ENPEP: variants seen among roughly 807,000 people sequenced by gnomAD.
ENPEP encodes the protein glutamyl aminopeptidase.
ENPEP carries 103 observed loss-of-function variants against 114.5 expected under a neutral mutation model. The ratio of observed to expected loss-of-function variants is 0.90; its 90% CI spans 0.77 to 1.06. The LOEUF (loss-of-function observed/expected upper bound fraction) is 1.06. Among genes scored for constraint, ENPEP ranks in the 50% least tolerant of loss-of-function variants. The pLI, the probability that ENPEP is intolerant of heterozygous loss-of-function variation, is 0.00. For synonymous variants in ENPEP, 420 were observed against 422.0 expected, an observed-to-expected ratio of 1.00 and a Z score of 0.06; for missense variants, 1,196 against 1,161.3, an observed-to-expected ratio of 1.03 and a Z score of -0.43.
intron 10 of ENPEP, among the ~76,000 whole-genome samples, chr4:110,530,854 AT>A: frequency 6.6e-6 from 1 of 152,328 alleles, no homozygotes; most frequent in East Asian, 1.9e-4. Context: ...GTGTGCAAGT[AT>A]GTGTGTGAAT....
intron 3 of ENPEP, among the ~76,000 whole-genome samples, chr4:110,498,788 G>A (rs2110344094): frequency 6.6e-6 from 1 of 152,092 alleles, no homozygotes; most frequent in South Asian, 2.1e-4. Flanking sequence ...TCTCATCTCA[G>A]TCCCCTCACA....
rs534275426 is a variant in ENPEP, at chr4:110,525,986, G to T, written c.1728-5212G>T. ...GTGACTTCTCTGGATGTTCAAAATA[G>T]AAACTATGGCCGGGCGTGGTGGTTC... On this transcript the variant is annotated intron_variant, in intron 10 of 19. Transcript: ENST00000265162. Among the ~76,000 whole-genome samples, 10 of 151,980 alleles carry T rather than the reference G, an allele frequency of 6.6e-5. No homozygotes were observed. In the South Asian group the frequency reaches 1.7e-3, roughly 25 times the overall value.
At chr4:110,558,017 T>G (rs1465693556) in intron 18 of ENPEP, among the ~76,000 whole-genome samples, 4 of 134,074 alleles carry the variant, frequency 3.0e-5, no homozygotes, top group African/African-American at 1.1e-4. Context: ...GGCTTCTAAT[T>G]TTGTATATGG....
At chr4:110,510,411 A>T in intron 6 of ENPEP, 53 bp downstream of exon 6, 1 of 1,438,992 alleles carries the variant, frequency 6.9e-7, no homozygotes. Context: ...TGCAAAGCAG[A>T]TGGAAGCCTT....
chr4:110,552,197 C>A (rs756206755), intron 17 of ENPEP, among the ~76,000 whole-genome samples: 10 of 152,142 alleles, frequency 6.6e-5, no homozygotes, highest in Non-Finnish European at 1.3e-4. Context: ...CCTCACCTTG[C>A]CTACGATGTA....
rs754694309 is a variant in ENPEP, at chr4:110,513,482, C to T, written c.1376C>T (p.Pro459Leu). The change falls in exon 7 of 20, where the codon CCA (proline) becomes CTA (leucine). Residue 459 changes from proline to leucine, a missense_variant. Pro to Leu is a moderately conservative substitution (Grantham distance 98). Coordinates refer to ENST00000265162, the MANE Select transcript of ENPEP (RefSeq NM_001977.4). ...GATGATTCTTTGATGTCTTCGCATC[C>T]AATTATTGTGACTGTGACAACCCCT... ...QEDDSLMSSH[P>L]IIVTVTTPDE... The T allele has an allele frequency of 7.4e-6, 12 of 1,613,392 alleles. No individual in the cohort carries two copies. The South Asian group carries it at 1.1e-4, about 15-fold the overall frequency.
intron 4 of ENPEP, among the ~76,000 whole-genome samples, 187 bp downstream of exon 4, chr4:110,506,944 C>T (rs994297785): frequency 6.6e-6 from 1 of 152,072 alleles, no homozygotes; most frequent in Non-Finnish European, 1.5e-5. Flanking sequence ...GGATTACAGG[C>T]CTAATCAACC....
chr4:110,509,123 C>T (rs1192372775), intron 4 of ENPEP, among the ~76,000 whole-genome samples: 2 of 152,156 alleles, frequency 1.3e-5, no homozygotes, highest in Non-Finnish European at 2.9e-5. Context: ...AGAATATAGT[C>T]AACTCCATGT....
At chr4:110,479,115 CAG>C (rs1349186900) in intron 1 of ENPEP, among the ~76,000 whole-genome samples, 8 of 152,152 alleles carry the variant, frequency 5.3e-5, no homozygotes, top group African/African-American at 1.9e-4. Context: ...AACATTTAGG[CAG>C]AGACTCTTTT....
chr4:110,516,479 C>G (rs950595026), intron 8 of ENPEP, among the ~76,000 whole-genome samples: 1 of 152,172 alleles, frequency 6.6e-6, no homozygotes, highest in Non-Finnish European at 1.5e-5. Context: ...CTGCCTGCTG[C>G]GATAACCCAG....
intron 11 of ENPEP, among the ~76,000 whole-genome samples, chr4:110,537,953 T>C (rs1246563549): frequency 6.6e-6 from 1 of 152,174 alleles, no homozygotes; most frequent in Non-Finnish European, 1.5e-5. Flanking sequence ...GTCTCAACAA[T>C]GGGCATAAAA....
intron 11 of ENPEP, among the ~76,000 whole-genome samples, chr4:110,541,921 T>C (rs1726863093): frequency 6.6e-6 from 1 of 152,148 alleles, no homozygotes; most frequent in African/African-American, 2.4e-5. Flanking sequence ...GCATAGCTAT[T>C]ATTTTAAGTA....
At chr4:110,524,695 T>G (rs1726130198) in intron 10 of ENPEP, among the ~76,000 whole-genome samples, 1 of 152,238 alleles carries the variant, frequency 6.6e-6, no homozygotes, top group African/African-American at 2.4e-5. Context: ...GTTAAGATTT[T>G]CTAAGTATTT....
At chr4:110,496,205 T>C (rs923070753) in intron 3 of ENPEP, among the ~76,000 whole-genome samples, 1 of 152,200 alleles carries the variant, frequency 6.6e-6, no homozygotes, top group Non-Finnish European at 1.5e-5. Flanking sequence ...AGAGTATGTA[T>C]GTATATATGC....
intron 1 of ENPEP, among the ~76,000 whole-genome samples, chr4:110,483,065 G>C (rs915332052): frequency 3.3e-5 from 5 of 152,036 alleles, no homozygotes; most frequent in African/African-American, 1.2e-4. Flanking sequence ...GTTGCAGGAG[G>C]CTAAGTAAAT....
In ENPEP at chr4:110,490,889, A is replaced by G. The variant is rs1382403049; in HGVS notation, c.787-144A>G. ...TAAATTTTCCTGTAGTCTTTTCAAC[A>G]TCACCACAAACAATTTGACCTCTAA... On this transcript the variant is annotated intron_variant, in intron 2 of 19. Coordinates refer to ENST00000265162, the MANE Select transcript of ENPEP (RefSeq NM_001977.4). 4 of 848,880 alleles carry G rather than the reference A, an allele frequency of 4.7e-6. No individual in the cohort carries two copies. The African/African-American group carries it at 5.2e-5, about 11-fold the overall frequency. The allele number at this position is 848,880 out of a possible 1,614,324, so 52.6% of individuals were successfully genotyped here.
intron 11 of ENPEP, among the ~76,000 whole-genome samples, chr4:110,540,960 T>C (rs1726824961): frequency 6.6e-6 from 1 of 152,124 alleles, no homozygotes; most frequent in South Asian, 2.1e-4. Context: ...AGCTAGTAAG[T>C]CACAGAGCAA....
chr4:110,512,300 T>C (rs1725606734), intron 6 of ENPEP, among the ~76,000 whole-genome samples: 1 of 151,974 alleles, frequency 6.6e-6, no homozygotes, highest in South Asian at 2.1e-4. Flanking sequence ...CAGAGATAGG[T>C]GGTAGCAAAA....
chr4:110,539,745 A>AT lies in ENPEP; in HGVS notation c.1808-3002dup, dbSNP rs142804260. ...AATTTAATAAGAGGTAAACTCTGTAATTTTACATTGAAAAATAATTCACTT... is the reference window on the plus strand; with the variant it reads ...AATTTAATAAGAGGTAAACTCTGTAATTTTTACATTGAAAAATAATTCACTT... On this transcript the variant is annotated intron_variant, in intron 11 of 19. Coordinates refer to ENST00000265162, the MANE Select transcript of ENPEP (RefSeq NM_001977.4). 3.7e-4 allele frequency among the ~76,000 whole-genome samples: 57 copies of AT among 152,298 alleles called. No individual in the cohort carries two copies. In the East Asian group the frequency reaches 0.011, roughly 28 times the overall value.
Sources: allele counts gnomAD v4.1 joint callset (sites outside exome capture counted in the v4.1 genomes callset), GRCh38; gene constraint gnomAD v4.1.1; transcripts MANE v1.5; gene names NCBI Gene and HGNC (gene_info 2026-07-23, HGNC 2026-07-21).